Variants in SCUBE1 observed in about 807,000 individuals in gnomAD.
The protein encoded by SCUBE1 is signal peptide, CUB domain and EGF like domain containing 1.
Under a neutral mutation model 124.4 loss-of-function variants are expected in SCUBE1, and 59 were observed. That is an observed-to-expected ratio of 0.47 (90% CI 0.38 to 0.59). The LOEUF (loss-of-function observed/expected upper bound fraction) is 0.59. Among genes scored for constraint, SCUBE1 ranks in the 20% least tolerant of loss-of-function variants. The probability of loss-of-function intolerance (pLI) is 0.00; values close to 1 mark genes in which losing one functional copy is unlikely to be tolerated. For missense variants in SCUBE1, 1,150 were observed against 1,371.2 expected (o/e 0.84, Z 2.55); for synonymous variants, 545 against 550.9 (o/e 0.99, Z 0.15).
At chr22:43,294,237 A>G (rs1210180157) in intron 3 of SCUBE1, among the ~76,000 whole-genome samples, 1 of 152,232 alleles carries the variant, frequency 6.6e-6, no homozygotes, top group Admixed American at 6.5e-5. Flanking sequence ...CATGGCTGCC[A>G]AATCTCTTGG....
intron 4 of SCUBE1, among the ~76,000 whole-genome samples, chr22:43,267,377 G>A (rs907519917): frequency 3.9e-5 from 6 of 152,182 alleles, no homozygotes; most frequent in South Asian, 2.1e-4. Context: ...CCCCTATTTC[G>A]GAACAGATGA....
intron 14 of SCUBE1, among the ~76,000 whole-genome samples, chr22:43,219,556 C>A (rs1395774612): frequency 6.6e-6 from 1 of 151,948 alleles, no homozygotes; most frequent in Admixed American, 6.6e-5. Flanking sequence ...TCACTGCAAT[C>A]TCTGCCTCCC....
intron 6 of SCUBE1, among the ~76,000 whole-genome samples, chr22:43,242,189 C>T (rs1161555831): frequency 2.6e-5 from 4 of 152,194 alleles, no homozygotes; most frequent in Non-Finnish European, 5.9e-5. Flanking sequence ...GGCCGAGCAC[C>T]GCGTCCCTGG....
chr22:43,260,476 C>T (rs1923831547), intron 5 of SCUBE1, among the ~76,000 whole-genome samples: 1 of 152,218 alleles, frequency 6.6e-6, no homozygotes, highest in Non-Finnish European at 1.5e-5. Flanking sequence ...TCCTCTTGAG[C>T]CACAGAGGCT....
chr22:43,301,688 G>A (rs1330286144), intron 3 of SCUBE1, among the ~76,000 whole-genome samples: 2 of 152,162 alleles, frequency 1.3e-5, no homozygotes, highest in Non-Finnish European at 2.9e-5. Flanking sequence ...TCTTCCTTGT[G>A]ACTGTTTCTG....
At chr22:43,270,972 C>G (rs558320994) in intron 4 of SCUBE1, among the ~76,000 whole-genome samples, 1 of 152,320 alleles carries the variant, frequency 6.6e-6, no homozygotes, top group South Asian at 2.1e-4. Context: ...CTTCTTCGAG[C>G]CCTGGGTGAG....
rs767055869 is a variant in SCUBE1 at position 43,214,300 on chromosome 22, AG to A, written c.1892-50del. On this transcript the variant is annotated intron_variant, in intron 15 of 21. Transcript: ENST00000360835. ...TGCTGGAGGCAGAGGTGGGGAGGCC[AG>A]GGGTGTCTCCTGTGTGCTCAAGCCC... 1.6e-5 allele frequency: 25 copies of A among 1,570,494 alleles called. 1 individual carries two copies. The South Asian group carries it at 2.5e-4, about 15-fold the overall frequency.
rs1414592782 is a variant in SCUBE1, at chr22:43,339,095, T to C, written c.220+9A>G. The C allele has an allele frequency of 1.2e-6, 2 of 1,613,480 alleles. No homozygotes were observed. The highest frequency in any genetic ancestry group is 2.2e-5 in the South Asian group (2 of 91,068). ...CAGGGTCTGCCCGGGAGGGCCGGGC[T>C]GGACTCACCTTCACACTGCTTGCCT... On this transcript the variant is annotated intron_variant, in intron 2 of 21. Transcript: ENST00000360835.
intron 4 of SCUBE1, chr22:43,276,100 C>T (rs1020430773): frequency 6.6e-6 from 1 of 152,528 alleles, no homozygotes; most frequent in East Asian, 1.9e-4. Context: ...AGCGCTGGTG[C>T]CCCACTGATG....
At chr22:43,263,192 G>A (rs1021159478) in intron 4 of SCUBE1, among the ~76,000 whole-genome samples, 1 of 152,188 alleles carries the variant, frequency 6.6e-6, no homozygotes, top group Non-Finnish European at 1.5e-5. Context: ...GTGTCAGGGT[G>A]ATTTGCTCCC....
At chr22:43,204,982 C>A (rs1043521621) in intron 21 of SCUBE1, among the ~76,000 whole-genome samples, 10 of 151,898 alleles carry the variant, frequency 6.6e-5, no homozygotes, top group African/African-American at 2.4e-4. Flanking sequence ...AAGGGTCCCG[C>A]TGCAAAATGA....
chr22:43,284,483 C>G (rs147797088), intron 4 of SCUBE1, among the ~76,000 whole-genome samples: 2 of 152,228 alleles, frequency 1.3e-5, no homozygotes, highest in Admixed American at 6.5e-5. Flanking sequence ...ATACTTGGGC[C>G]GACAACTGAG....
intron 4 of SCUBE1, among the ~76,000 whole-genome samples, chr22:43,288,827 T>C (rs4820515): frequency 0.64 from 97,387 of 152,166 alleles, 32,741 homozygotes; most frequent in Middle Eastern, 0.79. Flanking sequence ...GAGCTTGTCT[T>C]TGGGCAGTGC....
Position 43,250,891 on chromosome 22 carries a change from G to A in SCUBE1, c.727+7328C>T, listed in dbSNP as rs571870336. Among the ~76,000 whole-genome samples, 17 of 152,326 alleles carry A rather than the reference G, an allele frequency of 1.1e-4. 1 individual carries two copies. The South Asian group carries it at 1.4e-3, about 13-fold the overall frequency. ...GAAATGCTACTGGGCCTGCAGAACC[G>A]CGTCCCTCAGGCCTGTTCTGCTCCT... On this transcript the variant is annotated intron_variant, in intron 6 of 21. Coordinates refer to ENST00000360835, the MANE Select transcript of SCUBE1 (RefSeq NM_173050.5).
intron 16 of SCUBE1, 103 bp from the exon 17 acceptor site, chr22:43,212,695 A>C (rs1921622816): frequency 1.5e-6 from 2 of 1,302,770 alleles, no homozygotes; most frequent in East Asian, 5.2e-5. Context: ...GGCCCTGGAA[A>C]AGGTACTGGG....
intron 4 of SCUBE1, among the ~76,000 whole-genome samples, 184 bp from the exon 5 acceptor site, chr22:43,263,029 G>T (rs1280597065): frequency 6.6e-6 from 1 of 152,220 alleles, no homozygotes. Context: ...CATCTACATG[G>T]ATATCCCTTA....
At chr22:43,250,166 T>G (rs903287749) in intron 6 of SCUBE1, among the ~76,000 whole-genome samples, 2 of 152,128 alleles carry the variant, frequency 1.3e-5, no homozygotes. Context: ...TTCCAGGGAG[T>G]GGACAGAACT....
At chr22:43,249,319 C>T (rs1440050948) in intron 6 of SCUBE1, among the ~76,000 whole-genome samples, 4 of 115,810 alleles carry the variant, frequency 3.5e-5, no homozygotes, top group African/African-American at 1.3e-4. Context: ...TGGAGGGGAG[C>T]TGGGGTGGAC....
chr22:43,308,948 G>A (rs1020536966), intron 3 of SCUBE1, among the ~76,000 whole-genome samples: 17 of 152,228 alleles, frequency 1.1e-4, no homozygotes, highest in Non-Finnish European at 1.9e-4. Flanking sequence ...AATTGAAGTC[G>A]CGATGTCACA....
Sources: gnomAD v4.1 joint callset for allele counts (sites outside exome capture counted in the v4.1 genomes callset) on GRCh38, gnomAD v4.1.1 for gene constraint, MANE v1.5 for transcripts, NCBI Gene and HGNC (gene_info 2026-07-23, HGNC 2026-07-21) for gene names.